C12orf56: variants seen among roughly 807,000 people sequenced by gnomAD.
C12orf56 encodes the protein uncharacterized protein C12orf56.
In C12orf56, 71 loss-of-function variants were observed where a neutral mutation model predicts 69.9. The observed-to-expected ratio is 1.02, with a 90% CI of 0.84 to 1.24. C12orf56 has a LOEUF of 1.24. C12orf56 is among the 50% of genes most tolerant of loss of function. The pLI, the probability that C12orf56 is intolerant of heterozygous loss-of-function variation, is 0.00. For missense variants in C12orf56, 732 were observed against 738.5 expected (o/e 0.99, Z 0.10); for synonymous variants, 276 against 274.1 (o/e 1.01, Z -0.07).
In C12orf56 at chr12:64,266,098, G is replaced by T. The variant is rs2037917599; in HGVS notation, c.*1085C>A. On this transcript the variant is annotated 3_prime_UTR_variant, in exon 13 of 13. Coordinates refer to ENST00000543942, the MANE Select transcript of C12orf56 (RefSeq NM_001170633.2). ...TGCTCATTCTTCCAGGAATACTTTT[G>T]TCACTAGAATTTGTATAGGTGGAGG... 6.6e-6 allele frequency: 1 copy of T among 152,216 alleles called. No individual in the cohort carries two copies. Among genetic ancestry groups the T allele is most frequent in the Non-Finnish European group, 1.5e-5 (1 of 68,064 alleles). 9.4% of individuals were successfully genotyped at this position (152,216 alleles called of 1,614,324 possible).
intron 1 of C12orf56, among the ~76,000 whole-genome samples, chr12:64,368,895 G>T (rs1592495702): frequency 6.6e-6 from 1 of 152,054 alleles, no homozygotes. Flanking sequence ...TAGGTTTAAG[G>T]TCTCTTCTGC....
chr12:64,365,789 ATGTATATATTATGTATAATATATAG>A (rs1226891439), intron 1 of C12orf56, among the ~76,000 whole-genome samples: 169 of 141,248 alleles, frequency 1.2e-3, no homozygotes, highest in Middle Eastern at 3.8e-3. Context: ...TAAATATATA[ATGTATATATTATGTATAATATATAG>A]TGTATATATT....
rs1172634974 is a variant in C12orf56, at chr12:64,284,709, T to C, written c.1265A>G (p.Glu422Gly). 1.2e-6 allele frequency: 2 copies of C among 1,612,118 alleles called. No homozygotes were observed. Residue 422 changes from glutamate to glycine, a missense_variant, in exon 8 of 13, where the codon GAA becomes GGA. Physicochemically the swap from Glu to Gly is moderately conservative, Grantham distance 98. Coordinates refer to ENST00000543942, the MANE Select transcript of C12orf56 (RefSeq NM_001170633.2). ...IIQTLVLMFR[E>G]TETESSRLNT... ...CAGGCGTGATGACTCGGTTTCTGTT[T>C]CTCTGAACATCAATACTAGGGTCTG... is the stretch of plus-strand genomic sequence containing the variant.
intron 5 of C12orf56, among the ~76,000 whole-genome samples, chr12:64,307,964 T>G (rs2038538331): frequency 6.6e-6 from 1 of 150,930 alleles, no homozygotes; most frequent in African/African-American, 2.4e-5. Flanking sequence ...TGCAGTGAGC[T>G]GTGATCAAGC....
intron 2 of C12orf56, among the ~76,000 whole-genome samples, chr12:64,343,341 G>A (rs1037728827): frequency 1.3e-5 from 2 of 152,160 alleles, no homozygotes; most frequent in African/African-American, 4.8e-5. Context: ...TGTCATCAAT[G>A]TAATGGACCA....
At chr12:64,275,396 T>C (rs1263096966) in intron 9 of C12orf56, 24 bp from the exon 10 acceptor site, 8 of 1,106,674 alleles carry the variant, frequency 7.2e-6, no homozygotes, top group African/African-American at 4.8e-5. Flanking sequence ...GAATAATCAA[T>C]GCAATGTCAT....
intron 8 of C12orf56, among the ~76,000 whole-genome samples, chr12:64,280,383 A>G (rs1266370815): frequency 1.3e-5 from 2 of 152,320 alleles, no homozygotes; most frequent in Non-Finnish European, 2.9e-5. Context: ...TGAATGTACT[A>G]CAATATCTTT....
intron 1 of C12orf56, among the ~76,000 whole-genome samples, chr12:64,366,352 A>G (rs1218816327): frequency 1.0e-5 from 1 of 99,674 alleles, no homozygotes; most frequent in Non-Finnish European, 1.8e-5. Flanking sequence ...TATATTATAT[A>G]TTATATACAG....
At chr12:64,267,462 T>C in intron 12 of C12orf56, 174 bp from the exon 13 acceptor site, 1 of 607,534 alleles carries the variant, frequency 1.6e-6, no homozygotes, top group East Asian at 2.8e-5. Flanking sequence ...ACCTAGAAAA[T>C]CTCTGACATG....
chr12:64,312,679 C>A lies in C12orf56; in HGVS notation c.968G>T (p.Arg323Met), dbSNP rs1222372627. 1 of 1,531,824 alleles carries A rather than the reference C, an allele frequency of 6.5e-7. No homozygotes were observed. Among genetic ancestry groups the A allele is most frequent in the East Asian group, 2.4e-5 (1 of 40,878 alleles). The allele number at this position is 1,531,824 out of a possible 1,614,324, so 94.9% of individuals were successfully genotyped here. The change falls in exon 5 of 13, where the codon AGG (arginine) becomes ATG (methionine). Residue 323 changes from arginine (R) to methionine (M), a missense_variant and splice_region_variant. By Grantham distance (91) the Arg-to-Met change is moderately conservative. Transcript: ENST00000543942. ...TCTATCATACATCATCACTTCTTAC[C>A]TATATGGCTTTTGACTTCCAATAGC... ...SPAIGSQKPY[R>M]SEEKIKHFSQ...
At chr12:64,366,258 A>T (rs185277695) in intron 1 of C12orf56, among the ~76,000 whole-genome samples, 1,166 of 86,558 alleles carry the variant, frequency 0.013, 50 homozygotes, top group East Asian at 0.041. Flanking sequence ...TATTATATAT[A>T]ATATACAGTT....
At chr12:64,334,347 T>TAC (rs1483999637) in intron 2 of C12orf56, among the ~76,000 whole-genome samples, 128 of 152,174 alleles carry the variant, frequency 8.4e-4, no homozygotes, top group African/African-American at 2.7e-3. Flanking sequence ...TTTTAAAAAT[T>TAC]ACACACACAC....
chr12:64,386,537 T>C (rs1343411594), intron 1 of C12orf56, among the ~76,000 whole-genome samples: 1 of 151,962 alleles, frequency 6.6e-6, no homozygotes, highest in Non-Finnish European at 1.5e-5. Context: ...GCTGGCGTTA[T>C]AGGCATGTGC....
intron 1 of C12orf56, among the ~76,000 whole-genome samples, chr12:64,361,648 C>CAT (rs1344691328): frequency 2.0e-5 from 3 of 151,996 alleles, no homozygotes; most frequent in Non-Finnish European, 4.4e-5. Flanking sequence ...TTTTGTTTAG[C>CAT]ATATAATCAA....
intron 8 of C12orf56, among the ~76,000 whole-genome samples, chr12:64,282,890 T>C (rs567595746): frequency 2.6e-5 from 4 of 152,118 alleles, no homozygotes; most frequent in African/African-American, 9.6e-5. Flanking sequence ...ACACCTGTAA[T>C]CCCAGCACTT....
rs369624279 is a variant in C12orf56 at position 64,305,678 on chromosome 12, C to T, written c.969-1899G>A. Among the ~76,000 whole-genome samples, 17 of 152,254 alleles carry T rather than the reference C, an allele frequency of 1.1e-4. No individual in the cohort carries two copies. The South Asian group carries it at 1.9e-3, about 17-fold the overall frequency. On this transcript the variant is annotated intron_variant, in intron 5 of 12. Coordinates refer to ENST00000543942, the MANE Select transcript of C12orf56 (RefSeq NM_001170633.2). ...GATTACAGGCGTGAGCCACTACGCC[C>T]GGCCAAATGTGCTATTTTGATATTT...
intron 1 of C12orf56, among the ~76,000 whole-genome samples, chr12:64,388,657 C>T (rs2135993740): frequency 6.6e-6 from 1 of 152,296 alleles, no homozygotes; most frequent in South Asian, 2.1e-4. Flanking sequence ...GAGTTTGAGA[C>T]TAGCTTGGGC....
intron 11 of C12orf56, among the ~76,000 whole-genome samples, chr12:64,272,355 A>G (rs887240294): frequency 6.6e-6 from 1 of 151,866 alleles, no homozygotes; most frequent in African/African-American, 2.4e-5. Flanking sequence ...AAATACAAAA[A>G]TTAGCCAGTC....
rs1298322499 is a variant in C12orf56 at position 64,390,575 on chromosome 12, C to T, written c.-10G>A. The T allele has an allele frequency of 6.4e-7, 1 of 1,554,670 alleles. No individual in the cohort carries two copies. Among genetic ancestry groups the T allele is most frequent in the Non-Finnish European group, 8.6e-7 (1 of 1,157,078 alleles). ...GCAAGGGGCTGGCCATGCCCGGCGC[C>T]CGCAGCGTGGCGGAGTGCTGGGACT... On this transcript the variant is annotated 5_prime_UTR_variant, in exon 1 of 13. Coordinates refer to ENST00000543942, the MANE Select transcript of C12orf56 (RefSeq NM_001170633.2).
Sources: gnomAD v4.1 joint callset for allele counts (sites outside exome capture counted in the v4.1 genomes callset) on GRCh38, gnomAD v4.1.1 for gene constraint, MANE v1.5 for transcripts, NCBI Gene and HGNC (gene_info 2026-07-23, HGNC 2026-07-21) for gene names.